The following MIGA1 variants were observed in gnomAD, a reference collection of about 807,000 sequenced individuals.
MIGA1 encodes family with sequence similarity 73, member A.
In MIGA1, 58 loss-of-function variants were observed where a neutral mutation model predicts 82.0. That is an observed-to-expected ratio of 0.71 (90% CI 0.57 to 0.88). The LOEUF (loss-of-function observed/expected upper bound fraction) is 0.88, where lower values mean the gene tolerates loss of function less well. MIGA1 is among the 40% of genes least tolerant of loss of function. MIGA1 has a pLI of 0.00. For synonymous variants in MIGA1, 249 were observed against 253.6 expected, an observed-to-expected ratio of 0.98 and a Z score of 0.17; for missense variants, 751 against 749.1, an observed-to-expected ratio of 1.00 and a Z score of -0.03.
chr1:77,871,027 A>G (rs1402749407), intron 14 of MIGA1, among the ~76,000 whole-genome samples: 2 of 144,032 alleles, frequency 1.4e-5, no homozygotes, highest in African/African-American at 2.5e-5. Flanking sequence ...GTGAGCCGAG[A>G]TGGCAGCAGT....
intron 2 of MIGA1, among the ~76,000 whole-genome samples, chr1:77,800,871 A>G (rs1682854918): frequency 6.6e-6 from 1 of 152,224 alleles, no homozygotes; most frequent in South Asian, 2.1e-4. Context: ...TTCTGAAGAA[A>G]TATTTGTTAA....
At chr1:77,822,197 A>T (rs1287937011) in intron 7 of MIGA1, among the ~76,000 whole-genome samples, 1 of 30,108 alleles carries the variant, frequency 3.3e-5, no homozygotes, top group Non-Finnish European at 1.7e-4. Context: ...TAAAGCTGTT[A>T]AAAAAACACT....
intron 10 of MIGA1, 27 bp downstream of exon 10, chr1:77,859,413 A>G: frequency 6.6e-7 from 1 of 1,521,718 alleles, no homozygotes; most frequent in Non-Finnish European, 9.1e-7. Context: ...AAGTGACTTC[A>G]CCCAGCCACT....
chr1:77,795,888 C>A (rs796098447), intron 2 of MIGA1, among the ~76,000 whole-genome samples: 1 of 151,932 alleles, frequency 6.6e-6, no homozygotes, highest in Non-Finnish European at 1.5e-5. Context: ...CCCGCCTCAG[C>A]CTCCCAAAGT....
At chr1:77,859,416 C>T (rs768293643) in intron 10 of MIGA1, 30 bp downstream of exon 10, 2 of 1,491,734 alleles carry the variant, frequency 1.3e-6, no homozygotes, top group Non-Finnish European at 1.9e-6. Context: ...TGACTTCACC[C>T]AGCCACTCAT....
chr1:77,854,937 G>A (rs948921774), intron 8 of MIGA1, among the ~76,000 whole-genome samples: 1 of 152,086 alleles, frequency 6.6e-6, no homozygotes, highest in Non-Finnish European at 1.5e-5. Flanking sequence ...TATTGCATTT[G>A]CTTTTGGGTT....
At chr1:77,855,296 G>T (rs1205866360) in intron 8 of MIGA1, among the ~76,000 whole-genome samples, 2 of 152,194 alleles carry the variant, frequency 1.3e-5, no homozygotes, top group South Asian at 4.2e-4. Flanking sequence ...GATGATTGTG[G>T]CCTTATAGTA....
At chr1:77,817,505 C>T (rs1010030609) in intron 7 of MIGA1, among the ~76,000 whole-genome samples, 3 of 152,154 alleles carry the variant, frequency 2.0e-5, no homozygotes, top group Admixed American at 2.0e-4. Flanking sequence ...TTCTCTGTAG[C>T]CGTCCAGTTC....
intron 2 of MIGA1, among the ~76,000 whole-genome samples, chr1:77,800,361 G>A (rs943612473): frequency 6.6e-6 from 1 of 152,096 alleles, no homozygotes; most frequent in South Asian, 2.1e-4. Context: ...TGTCTTGTCC[G>A]TGTAAGCCAA....
chr1:77,812,581 A>G (rs1405829785), intron 5 of MIGA1, among the ~76,000 whole-genome samples: 5 of 152,248 alleles, frequency 3.3e-5, no homozygotes, highest in African/African-American at 1.2e-4. Context: ...AAAAACATCA[A>G]GAGAATGACT....
intron 8 of MIGA1, among the ~76,000 whole-genome samples, chr1:77,855,455 G>A (rs137911013): frequency 0.047 from 7,221 of 152,136 alleles, 236 homozygotes; most frequent in East Asian, 0.11. Context: ...GATGGGGATT[G>A]CATTGAATTT....
intron 14 of MIGA1, among the ~76,000 whole-genome samples, chr1:77,867,971 A>G (rs1685739494): frequency 6.6e-6 from 1 of 152,196 alleles, no homozygotes; most frequent in Non-Finnish European, 1.5e-5. Context: ...ACAGACTTGT[A>G]TACATGGGTT....
intron 13 of MIGA1, 70 bp from the exon 14 acceptor site, chr1:77,866,268 G>A (rs1259408783): frequency 6.9e-7 from 1 of 1,453,676 alleles, no homozygotes; most frequent in Admixed American, 1.7e-5. Context: ...CATAAACTTT[G>A]AATTTCTAAT....
In MIGA1 at chr1:77,863,940, TG is replaced by T. The variant is rs1685564427; in HGVS notation, c.1423del (p.Asp475ThrfsTer16). 1 of 1,594,756 alleles carries T rather than the reference TG, an allele frequency of 6.3e-7. No homozygotes were observed. Among genetic ancestry groups the T allele is most frequent in the African/African-American group, 1.4e-5 (1 of 73,948 alleles). On this transcript the variant is annotated frameshift_variant, in exon 13 of 16. Transcript: ENST00000370791. LOFTEE classifies it high-confidence loss of function. Reference sequence around the variant, plus strand: ...GATGTTGTTCTGGATTTTATATTAATGGACTCCTTTGAAGATTTGGAAAACC... The same window carrying T: ...GATGTTGTTCTGGATTTTATATTAATGACTCCTTTGAAGATTTGGAAAACC...
chr1:77,856,105 G>A (rs530265782), intron 8 of MIGA1, among the ~76,000 whole-genome samples: 1 of 152,248 alleles, frequency 6.6e-6, no homozygotes, highest in South Asian at 2.1e-4. Context: ...ATCATAAAGG[G>A]ATGCTGGATT....
intron 8 of MIGA1, among the ~76,000 whole-genome samples, chr1:77,846,354 T>C (rs555702350): frequency 2.1e-4 from 32 of 152,316 alleles, no homozygotes; most frequent in Non-Finnish European, 3.4e-4. Flanking sequence ...GTTAAAGATA[T>C]TGTCATTTAA....
intron 2 of MIGA1, among the ~76,000 whole-genome samples, chr1:77,800,636 C>T (rs1259980679): frequency 1.3e-5 from 2 of 152,126 alleles, no homozygotes; most frequent in Non-Finnish European, 2.9e-5. Flanking sequence ...TAACTTAGTA[C>T]TTGTATAACT....
At chr1:77,849,091 C>G (rs1284358524) in intron 8 of MIGA1, among the ~76,000 whole-genome samples, 1 of 152,060 alleles carries the variant, frequency 6.6e-6, no homozygotes, top group Non-Finnish European at 1.5e-5. Context: ...AAAATTGGCT[C>G]CACTACAACC....
chr1:77,812,068 C>T (rs1048603986), intron 5 of MIGA1, among the ~76,000 whole-genome samples: 3 of 152,172 alleles, frequency 2.0e-5, no homozygotes, highest in African/African-American at 4.8e-5. Flanking sequence ...AATCCCATAA[C>T]TTAGGGAGGC....
Sources: gnomAD v4.1 joint callset for allele counts (sites outside exome capture counted in the v4.1 genomes callset) on GRCh38, gnomAD v4.1.1 for gene constraint, MANE v1.5 for transcripts, NCBI Gene and HGNC (gene_info 2026-07-23, HGNC 2026-07-21) for gene names.